The following KCNA3 variants were observed in gnomAD, a reference collection of about 807,000 sequenced individuals.
The protein encoded by KCNA3 is potassium voltage-gated channel subfamily A member 3, also known as RP11-284N8.3.
In KCNA3, 18 loss-of-function variants were observed where a neutral mutation model predicts 34.3. The ratio of observed to expected loss-of-function variants is 0.52; its 90% CI spans 0.36 to 0.78. The LOEUF (loss-of-function observed/expected upper bound fraction) is 0.78. Ranked by LOEUF, KCNA3 falls within the 30% of genes least tolerant of loss-of-function variation. KCNA3 has a pLI of 0.00. For synonymous variants in KCNA3, 324 were observed against 351.7 expected (o/e 0.92, Z 0.88); for missense variants, 587 against 802.5 (o/e 0.73, Z 3.24).
downstream of KCNA3, among the ~76,000 whole-genome samples, chr1:110,670,828 T>C (rs781737910): frequency 6.6e-6 from 1 of 152,188 alleles, no homozygotes; most frequent in Non-Finnish European, 1.5e-5. Flanking sequence ...TCTTATAGTC[T>C]CAATCACTAT....
chr1:110,662,255 G>A, the KCNA3 span, among the ~76,000 whole-genome samples: 1 of 151,614 alleles, frequency 6.6e-6, no homozygotes, highest in Non-Finnish European at 1.5e-5. Context: ...ACCTATAATT[G>A]AAGATAATTT....
chr1:110,663,183 T>C, the KCNA3 span, among the ~76,000 whole-genome samples: 2 of 152,110 alleles, frequency 1.3e-5, no homozygotes, highest in Non-Finnish European at 2.9e-5. Flanking sequence ...GTAAAACCCA[T>C]AGTGAGTTAA....
Position 110,674,722 on chromosome 1 carries a change from C to CGCT in KCNA3, c.85_87dup (p.Ser29dup). On this transcript the variant is annotated inframe_insertion, in exon 1 of 1. Coordinates refer to ENST00000369769, the MANE Select transcript of KCNA3 (RefSeq NM_002232.5). This position sits in a 1 kb window ranked among gnomAD's most constrained non-coding sequence, Gnocchi z 6.4. Reference sequence around the variant, plus strand: ...TGGTTCACCAGCGTGTGGGCACCGCCGCTGCTCGCTGGGCGCTGAGGAGGG... The same window carrying CGCT: ...TGGTTCACCAGCGTGTGGGCACCGCCGCTGCTGCTCGCTGGGCGCTGAGGAGGG... 6.9e-7 allele frequency: 1 copy of CGCT among 1,450,326 alleles called. No individual in the cohort carries two copies. Among genetic ancestry groups the CGCT allele is most frequent in the Non-Finnish European group, 9.0e-7 (1 of 1,110,618 alleles). The allele number at this position is 1,450,326 out of a possible 1,614,324, so 89.8% of individuals were successfully genotyped here. A position where few individuals can be genotyped will look rare whatever the true frequency, so the allele number is the denominator to read the frequency against.
the KCNA3 span, among the ~76,000 whole-genome samples, chr1:110,665,609 A>C: frequency 6.6e-6 from 1 of 152,206 alleles, no homozygotes; most frequent in Non-Finnish European, 1.5e-5. Context: ...TTCAGTCAGG[A>C]GCTCAGGGGA....
downstream of KCNA3, among the ~76,000 whole-genome samples, chr1:110,668,846 T>G (rs1441818686): frequency 3.3e-5 from 5 of 152,128 alleles, no homozygotes; most frequent in African/African-American, 4.8e-5. Flanking sequence ...CTTCAACACA[T>G]AAGACGTGCA....
the KCNA3 span, among the ~76,000 whole-genome samples, chr1:110,667,395 A>G: frequency 2.6e-5 from 4 of 152,300 alleles, no homozygotes; most frequent in African/African-American, 7.2e-5. Flanking sequence ...CTTCTCCCCA[A>G]TCACTATCAC....
rs1652010338 is a variant in KCNA3 at position 110,674,528 on chromosome 1, C to G, written c.282G>C (p.Pro94=). The G allele has an allele frequency of 2.5e-6, 4 of 1,609,938 alleles. No individual in the cohort carries two copies. The highest frequency in any genetic ancestry group is 3.4e-6 in the Non-Finnish European group (4 of 1,178,554). ...DRYEPLPPSL[P]AAGEQDCCGE... Reference sequence around the variant, plus strand: ...CGCAGCAGTCCTGCTCGCCCGCGGCCGGCAGTGAGGGCGGCAGCGGCTCGT... The same window carrying G: ...CGCAGCAGTCCTGCTCGCCCGCGGCGGGCAGTGAGGGCGGCAGCGGCTCGT... Residue 94 remains proline (P), a synonymous_variant, in exon 1 of 1, where the codon CCG becomes CCC. Coordinates refer to ENST00000369769, the MANE Select transcript of KCNA3 (RefSeq NM_002232.5). The surrounding 1 kb of genome is among the most constrained non-coding windows in gnomAD (Gnocchi z 6.4).
chr1:110,669,414 T>C (rs1370190639), downstream of KCNA3, among the ~76,000 whole-genome samples: 2 of 152,240 alleles, frequency 1.3e-5, no homozygotes, highest in African/African-American at 4.8e-5. Context: ...TCTTTTGTTA[T>C]TAGAAAAGTC....
chr1:110,667,176 C>T, the KCNA3 span, among the ~76,000 whole-genome samples: 1 of 152,038 alleles, frequency 6.6e-6, no homozygotes, highest in Non-Finnish European at 1.5e-5. Flanking sequence ...CCTTAGGATT[C>T]AGAGGGACTT....
At chr1:110,654,585 T>C in the KCNA3 span, 1 of 152,172 alleles carries the variant, frequency 6.6e-6, no homozygotes, top group Admixed American at 6.5e-5. Context: ...GGTCAGGGTG[T>C]GCAAACTTAT....
At chr1:110,660,489 G>A in the KCNA3 span, among the ~76,000 whole-genome samples, 8 of 151,820 alleles carry the variant, frequency 5.3e-5, no homozygotes, top group Admixed American at 1.3e-4. Context: ...AAAATCCAAC[G>A]CTAAGTGTCA....
rs1055551264 is a variant in KCNA3, at chr1:110,674,630, G to T, written c.180C>A (p.His60Gln). 5 of 1,552,888 alleles carry T rather than the reference G, an allele frequency of 3.2e-6. No individual in the cohort carries two copies. The African/African-American group carries it at 7.1e-5, about 22-fold the overall frequency. ...CATCGGCCACCTCCGGCTCCAGCAG[G>T]TGGTCCCCGGGCACCACGGTCATGT... ...PPDMTVVPGD[H>Q]LLEPEVADGG... The change falls in exon 1 of 1, where the codon CAC (histidine) becomes CAA (glutamine). Residue 60 changes from histidine (H) to glutamine (Q), a missense_variant. Around this residue, in one of 7 missense-constraint regions of KCNA3, gnomAD observed 341 missense variants for 355.4 expected, o/e 0.96. Transcript: ENST00000369769. The surrounding 1 kb of genome is among the most constrained non-coding windows in gnomAD (Gnocchi z 6.4).
the KCNA3 span, among the ~76,000 whole-genome samples, chr1:110,666,438 C>T: frequency 1.3e-5 from 2 of 151,968 alleles, no homozygotes; most frequent in African/African-American, 4.8e-5. Flanking sequence ...GGAAGAAGAC[C>T]AGGGTGACTG....
the KCNA3 span, among the ~76,000 whole-genome samples, chr1:110,662,813 T>C: frequency 1.3e-5 from 2 of 152,296 alleles, no homozygotes; most frequent in African/African-American, 2.4e-5. Flanking sequence ...ATAATAAATA[T>C]CTTCAATTTA....
At chr1:110,671,637 C>T (rs143432857), downstream of KCNA3, among the ~76,000 whole-genome samples, 10 of 152,118 alleles carry the variant, frequency 6.6e-5, no homozygotes, top group East Asian at 1.7e-3. Flanking sequence ...TTTAGCTTGT[C>T]AAGTGCTGTG....
downstream of KCNA3, among the ~76,000 whole-genome samples, chr1:110,670,650 G>A (rs926268912): frequency 6.6e-6 from 1 of 152,112 alleles, no homozygotes; most frequent in Non-Finnish European, 1.5e-5. Flanking sequence ...GTAGATCAAT[G>A]TCAAAGGTTA....
chr1:110,666,129 G>T, the KCNA3 span, among the ~76,000 whole-genome samples: 1 of 152,238 alleles, frequency 6.6e-6, no homozygotes, highest in Non-Finnish European at 1.5e-5. Flanking sequence ...TTAGATTTGA[G>T]CATCTATGAA....
the KCNA3 span, among the ~76,000 whole-genome samples, chr1:110,657,826 C>T: frequency 6.6e-6 from 1 of 152,198 alleles, no homozygotes; most frequent in Non-Finnish European, 1.5e-5. Flanking sequence ...TTGTTTCAAT[C>T]ATCCCAGTAG....
chr1:110,663,465 C>G, the KCNA3 span, among the ~76,000 whole-genome samples: 1 of 152,054 alleles, frequency 6.6e-6, no homozygotes, highest in Non-Finnish European at 1.5e-5. Flanking sequence ...TGTGCCACTT[C>G]GATATGCAGA....
Sources: gnomAD v4.1 joint callset for allele counts (sites outside exome capture counted in the v4.1 genomes callset) on GRCh38, gnomAD v4.1.1 for gene constraint, gnomAD v4.1.1 regional missense constraint, Gnocchi (gnomAD v3.1) non-coding constraint, MANE v1.5 for transcripts, NCBI Gene and HGNC (gene_info 2026-07-23, HGNC 2026-07-21) for gene names.